TUNAR: variants seen among roughly 807,000 people sequenced by gnomAD.
TUNAR encodes the protein transmembrane neural differentiation associated intracellular calcium regulator.
At chr14:95,882,337 A>G (rs1451861783) in intron 2 of TUNAR, among the ~76,000 whole-genome samples, 2 of 152,242 alleles carry the variant, frequency 1.3e-5, no homozygotes, top group African/African-American at 4.8e-5. Flanking sequence ...TAAGATAAGA[A>G]GACAGAGAAG....
intron 2 of TUNAR, among the ~76,000 whole-genome samples, chr14:95,917,297 C>T (rs1889620632): frequency 1.3e-5 from 2 of 152,184 alleles, no homozygotes; most frequent in Admixed American, 6.5e-5. Context: ...CACTGCTCAT[C>T]AAAGACCCGT....
intron 2 of TUNAR, among the ~76,000 whole-genome samples, chr14:95,907,075 T>G (rs748795535): frequency 2.0e-5 from 3 of 152,228 alleles, no homozygotes; most frequent in Non-Finnish European, 4.4e-5. Flanking sequence ...CACTTTGCTT[T>G]TCTAAGTTAA....
At chr14:95,898,943 G>T (rs1033773783) in intron 2 of TUNAR, among the ~76,000 whole-genome samples, 23 of 152,184 alleles carry the variant, frequency 1.5e-4, no homozygotes, top group African/African-American at 5.6e-4. Context: ...TGAGTAAACA[G>T]GCTGAGAAAG....
intron 2 of TUNAR, among the ~76,000 whole-genome samples, chr14:95,913,053 A>G (rs1223293339): frequency 6.6e-6 from 1 of 151,160 alleles, no homozygotes; most frequent in African/African-American, 2.4e-5. Flanking sequence ...GGCCTCCCAA[A>G]GTGCTGGGAT....
intron 2 of TUNAR, among the ~76,000 whole-genome samples, chr14:95,894,593 C>T (rs182821678): frequency 8.8e-4 from 134 of 152,244 alleles, no homozygotes; most frequent in African/African-American, 2.8e-3. Context: ...TGTTCCCAAT[C>T]GATTGAGAAA....
At chr14:95,922,711 C>T (rs1889717143) in intron 2 of TUNAR, 70 bp from the exon 2 acceptor site, 1 of 397,640 alleles carries the variant, frequency 2.5e-6, no homozygotes, top group Non-Finnish European at 4.4e-6. Flanking sequence ...CTACCCACTA[C>T]AGATCTGCCT....
At chr14:95,918,632 G>T (rs1889644052) in intron 2 of TUNAR, among the ~76,000 whole-genome samples, 1 of 152,146 alleles carries the variant, frequency 6.6e-6, no homozygotes, top group Non-Finnish European at 1.5e-5. Context: ...CTAGGTCTTT[G>T]TTTGCTTCAG....
At chr14:95,919,323 G>T (rs758548907) in intron 2 of TUNAR, among the ~76,000 whole-genome samples, 1 of 152,238 alleles carries the variant, frequency 6.6e-6, no homozygotes, top group Non-Finnish European at 1.5e-5. Flanking sequence ...GGAAATGCAC[G>T]TGTGAATTTT....
chr14:95,923,458 T>A (rs1024719239), exon 3 of TUNAR: 4 of 152,658 alleles, frequency 2.6e-5, no homozygotes, highest in African/African-American at 7.2e-5. Flanking sequence ...GTCTAACTAT[T>A]TGATACTGGG....
intron 2 of TUNAR, among the ~76,000 whole-genome samples, chr14:95,889,430 C>T (rs993356142): frequency 6.6e-6 from 1 of 151,784 alleles, no homozygotes; most frequent in Non-Finnish European, 1.5e-5. Context: ...AGTTGGCTTG[C>T]CCTTCCACCT....
At chr14:95,909,338 C>T (rs185481821) in intron 2 of TUNAR, among the ~76,000 whole-genome samples, 1 of 143,912 alleles carries the variant, frequency 6.9e-6, no homozygotes, top group African/African-American at 2.7e-5. Flanking sequence ...GGCTGGGCTG[C>T]AGTGGCACGA....
At position 95,895,798 on chromosome 14, in the gene TUNAR, C is replaced by T. The variant is rs1437463614; in HGVS notation, c.12+18621C>T. On this transcript the variant is annotated intron_variant, in intron 2 of 2. Coordinates refer to ENST00000678517, the Ensembl canonical transcript of TUNAR. This position sits in a 1 kb window ranked among gnomAD's most constrained non-coding sequence, Gnocchi z 4.5. ...CCCACTGGAACACTCTCCCGCTTCT[C>T]TTCCTCCTTCAGATCTCAGCCCGCT... 6.6e-6 allele frequency: 1 copy of T among 152,396 alleles called. No homozygotes were observed. Among genetic ancestry groups the T allele is most frequent in the Non-Finnish European group, 1.5e-5 (1 of 68,162 alleles). The allele number at this position is 152,396 out of a possible 1,614,324, so 9.4% of individuals were successfully genotyped here.
intron 2 of TUNAR, among the ~76,000 whole-genome samples, chr14:95,907,856 G>C (rs1889450020): frequency 6.6e-6 from 1 of 151,494 alleles, no homozygotes; most frequent in South Asian, 2.1e-4. Context: ...CCTCAGCAGA[G>C]AGGATAGATC....
chr14:95,896,092 G>A (rs921812929), intron 2 of TUNAR: 15 of 151,924 alleles, frequency 9.9e-5, no homozygotes, highest in African/African-American at 2.7e-4. Context: ...TTAAAAAAAC[G>A]TTTCTGCCAG....
At chr14:95,922,637 C>T in intron 2 of TUNAR, 144 bp from the exon 2 acceptor site, 1 of 391,988 alleles carries the variant, frequency 2.6e-6, no homozygotes. Context: ...AGCAAGGTGT[C>T]CCAAGGTAGG....
At chr14:95,891,848 C>A (rs1430303577) in intron 2 of TUNAR, among the ~76,000 whole-genome samples, 2 of 152,192 alleles carry the variant, frequency 1.3e-5, no homozygotes, top group Non-Finnish European at 2.9e-5. Flanking sequence ...AGGGCAGGAT[C>A]CCTGTCTCCT....
chr14:95,889,412 G>C (rs1463373122), intron 2 of TUNAR, among the ~76,000 whole-genome samples: 1 of 152,042 alleles, frequency 6.6e-6, no homozygotes, highest in Non-Finnish European at 1.5e-5. Context: ...TGCTGCATGT[G>C]AAGGAGAAGT....
chr14:95,918,213 A>G (rs1342665201), intron 2 of TUNAR, among the ~76,000 whole-genome samples: 5 of 152,230 alleles, frequency 3.3e-5, no homozygotes, highest in Non-Finnish European at 7.3e-5. Context: ...ACACATCATG[A>G]AGAATGGGGT....
chr14:95,909,824 A>G (rs528605564), intron 2 of TUNAR, among the ~76,000 whole-genome samples: 61 of 152,340 alleles, frequency 4.0e-4, no homozygotes, highest in African/African-American at 1.3e-3. Context: ...AGATGGTGAC[A>G]GGATAGGGCA....
Sources: gnomAD v4.1 joint callset for allele counts (sites outside exome capture counted in the v4.1 genomes callset) on GRCh38, gnomAD v4.1.1 for gene constraint, Gnocchi (gnomAD v3.1) non-coding constraint, MANE v1.5 for transcripts, NCBI Gene and HGNC (gene_info 2026-07-23, HGNC 2026-07-21) for gene names.